Variants in BCAR3 observed in about 807,000 individuals in gnomAD.
The protein encoded by BCAR3 is BCAR3 adaptor protein, NSP family member, also known as breast cancer anti-estrogen resistance protein 3.
A neutral mutation model predicts 80.1 loss-of-function variants in BCAR3; 37 were observed. That is an observed-to-expected ratio of 0.46 (90% CI 0.36 to 0.61). BCAR3 has a LOEUF of 0.61. Ranked by LOEUF, BCAR3 falls within the 20% of genes least tolerant of loss-of-function variation. BCAR3 has a pLI of 0.00. For synonymous variants in BCAR3, 389 were observed against 418.9 expected, an observed-to-expected ratio of 0.93 and a Z score of 0.87; for missense variants, 978 against 1,068.2, an observed-to-expected ratio of 0.92 and a Z score of 1.18.
intron 11 of BCAR3, among the ~76,000 whole-genome samples, chr1:93,562,768 C>CAAAA (rs35374992): frequency 1.0e-4 from 8 of 76,888 alleles, no homozygotes; most frequent in African/African-American, 2.8e-4. Context: ...GACTCCATCT[C>CAAAA]AAAAAAAAAA....
chr1:93,839,157 G>T (rs1436355265), intron 2 of BCAR3, among the ~76,000 whole-genome samples: 1 of 152,226 alleles, frequency 6.6e-6, no homozygotes, highest in Non-Finnish European at 1.5e-5. Flanking sequence ...GCTGGGCGTG[G>T]TGGCATGTGC....
chr1:93,594,256 C>A (rs1247523038), intron 3 of BCAR3: 1 of 152,232 alleles, frequency 6.6e-6, no homozygotes, highest in Admixed American at 6.5e-5. Context: ...AAGATGCTGA[C>A]TTTGCTTAGT....
chr1:93,668,383 T>C (rs1373189471), intron 2 of BCAR3, among the ~76,000 whole-genome samples: 1 of 152,182 alleles, frequency 6.6e-6, no homozygotes, highest in African/African-American at 2.4e-5. Context: ...TCTGGGCTTC[T>C]TCAACCCAGG....
chr1:93,669,773 T>C (rs562327113), intron 2 of BCAR3, among the ~76,000 whole-genome samples: 1 of 152,316 alleles, frequency 6.6e-6, no homozygotes, highest in Non-Finnish European at 1.5e-5. Flanking sequence ...GAGAATGAAT[T>C]AACAGCATTT....
At chr1:93,798,267 G>A (rs182763754) in intron 2 of BCAR3, among the ~76,000 whole-genome samples, 6 of 152,136 alleles carry the variant, frequency 3.9e-5, no homozygotes, top group South Asian at 2.1e-4. Context: ...TGCTTTTTCC[G>A]CTTTGGAGCC....
chr1:93,740,164 G>T (rs115068159), intron 2 of BCAR3, among the ~76,000 whole-genome samples: 225 of 152,294 alleles, frequency 1.5e-3, no homozygotes, highest in African/African-American at 5.2e-3. Flanking sequence ...AGTCAACTCC[G>T]GCAGGTATCT....
intron 2 of BCAR3, among the ~76,000 whole-genome samples, chr1:93,842,369 C>T (rs1654991927): frequency 1.3e-5 from 2 of 152,216 alleles, no homozygotes; most frequent in South Asian, 4.1e-4. Flanking sequence ...CCAGGCTGGT[C>T]TCGACCTCCT....
intron 6 of BCAR3, among the ~76,000 whole-genome samples, 152 bp downstream of exon 6, chr1:93,583,865 GC>G (rs1673829350): frequency 6.6e-6 from 1 of 152,178 alleles, no homozygotes; most frequent in Non-Finnish European, 1.5e-5. Flanking sequence ...GTGCTTCGCC[GC>G]CGGATATAAT....
At chr1:93,780,999 T>A (rs1296176437) in intron 2 of BCAR3, among the ~76,000 whole-genome samples, 1 of 152,176 alleles carries the variant, frequency 6.6e-6, no homozygotes, top group Non-Finnish European at 1.5e-5. Context: ...CAAAAGGTAC[T>A]CTGGAACCCC....
intron 2 of BCAR3, among the ~76,000 whole-genome samples, chr1:93,843,148 G>C (rs1655021994): frequency 6.6e-6 from 1 of 152,184 alleles, no homozygotes; most frequent in Non-Finnish European, 1.5e-5. Flanking sequence ...ATGTGCCTAA[G>C]GTTCTTGAAC....
chr1:93,660,053 CGTGTGTGTGT>C (rs76729025), intron 2 of BCAR3, among the ~76,000 whole-genome samples: 2 of 147,236 alleles, frequency 1.4e-5, no homozygotes. Context: ...AATAAATGAA[CGTGTGTGTGT>C]GTGTGTGTGT....
rs758738644 is a variant in BCAR3 at position 93,752,774 on chromosome 1, AAG to A, written c.-62-46634_-62-46633del. On this transcript the variant is annotated intron_variant, in intron 2 of 13. Coordinates refer to the BCAR3 transcript ENST00000370244. ...ATGGCCACACTCCATAGCTCTAACA[AAG>A]AGAGTGCCTCCTTCACCATTTCTCA... 3.9e-5 allele frequency: 6 copies of A among 152,242 alleles called. No homozygotes were observed. In the East Asian group the frequency reaches 1.2e-3, roughly 29 times the overall value. 9.4% of individuals were successfully genotyped at this position (152,242 alleles called of 1,614,324 possible).
intron 3 of BCAR3, among the ~76,000 whole-genome samples, chr1:93,704,034 G>A (rs1378498210): frequency 1.3e-5 from 2 of 152,330 alleles, no homozygotes; most frequent in East Asian, 3.8e-4. Context: ...TAGCCAATGT[G>A]GCTAGTGGTT....
At chr1:93,827,122 A>C (rs1654399184) in intron 2 of BCAR3, among the ~76,000 whole-genome samples, 1 of 152,180 alleles carries the variant, frequency 6.6e-6, no homozygotes, top group African/African-American at 2.4e-5. Flanking sequence ...TTGAACAAAT[A>C]AAGAAATGAA....
In BCAR3 at chr1:93,613,915, T is replaced by C. The variant is rs1446018869; in HGVS notation, c.358-21522A>G. The stretch of plus-strand genomic sequence containing the variant: ...GCTGCTGAGAGGGCGTGGAAAGCAC[T>C]GCATTCCTTAGGCATCTTTCGGTCT... On this transcript the variant is annotated intron_variant, in intron 3 of 11. Coordinates refer to ENST00000260502, the MANE Select transcript of BCAR3 (RefSeq NM_003567.4). The C allele has an allele frequency of 1.9e-6, 3 of 1,550,434 alleles. No homozygotes were observed. The South Asian group carries it at 3.6e-5, about 18-fold the overall frequency.
At chr1:93,712,009 G>A (rs923480564) in intron 2 of BCAR3, among the ~76,000 whole-genome samples, 3 of 152,124 alleles carry the variant, frequency 2.0e-5, no homozygotes, top group Non-Finnish European at 2.9e-5. Flanking sequence ...TGAGGACCAG[G>A]GCTGAGATCC....
intron 3 of BCAR3, among the ~76,000 whole-genome samples, chr1:93,702,998 C>T (rs1019439408): frequency 2.0e-5 from 3 of 152,194 alleles, no homozygotes; most frequent in Admixed American, 6.5e-5. Flanking sequence ...AGCCTGCCCT[C>T]TGTGGTCCAA....
intron 2 of BCAR3, among the ~76,000 whole-genome samples, chr1:93,744,610 T>A (rs1042050482): frequency 2.0e-5 from 3 of 152,186 alleles, no homozygotes; most frequent in African/African-American, 7.2e-5. Context: ...TGAGCTTCCC[T>A]CTGGGCTCTC....
intron 2 of BCAR3, among the ~76,000 whole-genome samples, chr1:93,829,020 C>G (rs537649175): frequency 6.6e-6 from 1 of 152,278 alleles, no homozygotes; most frequent in Non-Finnish European, 1.5e-5. Flanking sequence ...CATGGACACA[C>G]ACGAGGAGTG....
Sources: allele counts gnomAD v4.1 joint callset (sites outside exome capture counted in the v4.1 genomes callset), GRCh38; gene constraint gnomAD v4.1.1; transcripts MANE v1.5; gene names NCBI Gene and HGNC (gene_info 2026-07-23, HGNC 2026-07-21).